LRP1B: variants seen among roughly 807,000 people sequenced by gnomAD.
LRP1B encodes the protein low-density lipoprotein receptor-related protein 1B.
In LRP1B, 217 loss-of-function variants were observed where a neutral mutation model predicts 556.6. The ratio of observed to expected loss-of-function variants is 0.39; its 90% CI spans 0.35 to 0.44. LRP1B has a LOEUF of 0.44. LRP1B is among the 20% of genes least tolerant of loss of function. The pLI is 1.00. For synonymous variants in LRP1B, 2,047 were observed against 1,865.8 expected (o/e 1.10, Z -2.50); for missense variants, 5,053 against 5,620.8 (o/e 0.90, Z 3.23).
At chr2:140,544,245 G>A (rs1040253812) in intron 43 of LRP1B, among the ~76,000 whole-genome samples, 1 of 145,102 alleles carries the variant, frequency 6.9e-6, no homozygotes, top group African/African-American at 2.5e-5. Context: ...AGGTAAATTT[G>A]TATCACAGGG....
At chr2:142,102,655 A>G (rs1401531889) in intron 1 of LRP1B, among the ~76,000 whole-genome samples, 1 of 151,894 alleles carries the variant, frequency 6.6e-6, no homozygotes, top group Non-Finnish European at 1.5e-5. Context: ...ATCTTTTGCT[A>G]TGAAACTCGT....
intron 27 of LRP1B, among the ~76,000 whole-genome samples, chr2:140,860,419 T>A (rs1278153444): frequency 6.6e-6 from 1 of 152,216 alleles, no homozygotes; most frequent in Non-Finnish European, 1.5e-5. Context: ...ATTTACTAGT[T>A]GCTATGTTTT....
intron 22 of LRP1B, among the ~76,000 whole-genome samples, chr2:140,906,661 T>A (rs535863691): frequency 6.6e-6 from 1 of 152,200 alleles, no homozygotes; most frequent in East Asian, 1.9e-4. Flanking sequence ...AAGTCTAGTT[T>A]TTCCATAATT....
At chr2:141,252,017 A>G (rs1216499006) in intron 4 of LRP1B, among the ~76,000 whole-genome samples, 6 of 152,006 alleles carry the variant, frequency 3.9e-5, no homozygotes, top group Non-Finnish European at 7.4e-5. Flanking sequence ...GTCATCTCCA[A>G]CACAAAAACA....
chr2:141,635,647 A>T (rs1388130421), intron 2 of LRP1B, among the ~76,000 whole-genome samples: 1 of 152,192 alleles, frequency 6.6e-6, no homozygotes, highest in African/African-American at 2.4e-5. Context: ...TAAATGTTTT[A>T]GTTGGCTTTT....
intron 2 of LRP1B, among the ~76,000 whole-genome samples, chr2:141,547,573 C>T (rs953922939): frequency 1.3e-5 from 2 of 152,134 alleles, no homozygotes; most frequent in East Asian, 1.9e-4. Context: ...TTCCCACTTT[C>T]ACCAGTCCAC....
intron 81 of LRP1B, among the ~76,000 whole-genome samples, chr2:140,322,408 C>T (rs779924339): frequency 1.3e-5 from 2 of 151,938 alleles, no homozygotes; most frequent in African/African-American, 2.4e-5. Flanking sequence ...CCTGAAGTAC[C>T]ATTGGGACTG....
At chr2:141,989,747 C>G (rs1445295802) in intron 1 of LRP1B, among the ~76,000 whole-genome samples, 2 of 151,938 alleles carry the variant, frequency 1.3e-5, no homozygotes, top group African/African-American at 4.8e-5. Context: ...CTCTTGCTGC[C>G]CTGTGAAGAG....
intron 3 of LRP1B, among the ~76,000 whole-genome samples, chr2:141,400,173 T>C (rs1573902561): frequency 6.6e-6 from 1 of 151,824 alleles, no homozygotes; most frequent in African/African-American, 2.4e-5. Flanking sequence ...AGAAACAGGG[T>C]CTATGTTGTT....
chr2:140,300,127 G>C (rs755863598), intron 83 of LRP1B, among the ~76,000 whole-genome samples: 1 of 152,090 alleles, frequency 6.6e-6, no homozygotes, highest in Non-Finnish European at 1.5e-5. Flanking sequence ...AGAGTGACTA[G>C]GTTGTCCACA....
intron 1 of LRP1B, among the ~76,000 whole-genome samples, chr2:141,856,986 T>A (rs1272340449): frequency 1.3e-5 from 2 of 152,078 alleles, no homozygotes; most frequent in African/African-American, 2.4e-5. Flanking sequence ...GACTGTAATG[T>A]CCTCAACTCT....
chr2:141,809,903 G>T (rs902530318), intron 2 of LRP1B, among the ~76,000 whole-genome samples: 1 of 151,580 alleles, frequency 6.6e-6, no homozygotes, highest in Non-Finnish European at 1.5e-5. Context: ...CCCTTTTAGC[G>T]CTATATTTTA....
chr2:141,053,585 G>A (rs1182705249), intron 10 of LRP1B, among the ~76,000 whole-genome samples: 1 of 151,944 alleles, frequency 6.6e-6, no homozygotes, highest in Non-Finnish European at 1.5e-5. Flanking sequence ...GTTTAATGGT[G>A]TTTGGTGGAA....
intron 21 of LRP1B, among the ~76,000 whole-genome samples, chr2:140,908,331 CTCTA>C (rs938824079): frequency 3.2e-4 from 43 of 133,124 alleles, no homozygotes; most frequent in African/African-American, 1.1e-3. Context: ...CTCTCTCTCT[CTCTA>C]TATATATATA....
At chr2:140,384,207 G>A (rs75963069) in intron 67 of LRP1B, among the ~76,000 whole-genome samples, 3,112 of 152,132 alleles carry the variant, frequency 0.02, 37 homozygotes, top group African/African-American at 0.028. Flanking sequence ...ACATCCTTCC[G>A]TTATAAGGCA....
intron 15 of LRP1B, among the ~76,000 whole-genome samples, chr2:141,001,700 A>G (rs574628738): frequency 2.0e-5 from 3 of 152,078 alleles, no homozygotes; most frequent in Non-Finnish European, 4.4e-5. Flanking sequence ...GCTACCTCCC[A>G]TCTTTAAGAG....
At chr2:140,825,604 C>T (rs755943624) in intron 31 of LRP1B, among the ~76,000 whole-genome samples, 33 of 152,052 alleles carry the variant, frequency 2.2e-4, no homozygotes, top group Non-Finnish European at 3.5e-4. Flanking sequence ...ATGCATTTAA[C>T]GCATTAAGCT....
intron 1 of LRP1B, among the ~76,000 whole-genome samples, chr2:142,065,161 G>A (rs975594600): frequency 1.1e-4 from 16 of 151,354 alleles, no homozygotes; most frequent in South Asian, 8.3e-4. Context: ...TAATGGTATC[G>A]AATTAGTTTC....
Position 141,188,600 on chromosome 2 carries a change from C to CA in LRP1B, c.851-18dup, listed in dbSNP as rs1558920965. The stretch of plus-strand genomic sequence containing the variant: ...GTTGCACATCTGAAAAACACATACA[C>CA]AAAATCATTGAATCACAGGTGCAAT... On this transcript the variant is annotated splice_polypyrimidine_tract_variant and intron_variant, in intron 6 of 90. Transcript: ENST00000389484. 10 of 1,608,856 alleles carry CA rather than the reference C, an allele frequency of 6.2e-6. No individual in the cohort carries two copies. The highest frequency in any genetic ancestry group is 1.7e-4 in the Middle Eastern group (1 of 6,036).
Sources: allele counts gnomAD v4.1 joint callset (sites outside exome capture counted in the v4.1 genomes callset), GRCh38; gene constraint gnomAD v4.1.1; transcripts MANE v1.5; gene names NCBI Gene and HGNC (gene_info 2026-07-23, HGNC 2026-07-21).